The following DIS3L2 variants were observed in gnomAD, a reference collection of about 807,000 sequenced individuals.
The protein encoded by DIS3L2 is DIS3-like exonuclease 2.
DIS3L2 carries 34 observed loss-of-function variants against 97.5 expected under a neutral mutation model. The observed-to-expected ratio is 0.35, with a 90% confidence interval of 0.27 to 0.46. DIS3L2 has a LOEUF of 0.46. Among genes scored for constraint, DIS3L2 ranks in the 20% least tolerant of loss-of-function variants. The pLI is 1.00. For synonymous variants in DIS3L2, 435 were observed against 445.2 expected (o/e 0.98, Z 0.29); for missense variants, 1,038 against 1,146.0 (o/e 0.91, Z 1.36).
intron 3 of DIS3L2, 115 bp downstream of exon 3, chr2:232,015,786 G>T (rs1020339643): frequency 1.6e-6 from 2 of 1,227,970 alleles, no homozygotes; most frequent in African/African-American, 1.5e-5. Flanking sequence ...TGTAACAGGT[G>T]CAGGGCTGTT....
At position 232,203,929 on chromosome 2, in the gene DIS3L2, GAGA is replaced by G. The variant is rs1691963204; in HGVS notation, c.1125-6392_1125-6390del. Among the ~76,000 whole-genome samples, 3 of 152,222 alleles carry G rather than the reference GAGA, an allele frequency of 2.0e-5. No homozygotes were observed. In the South Asian group the frequency reaches 6.2e-4, roughly 32 times the overall value. ...AACATTTCAGAAAGCAGAGGGTGTA[GAGA>G]AGAATTTAGCACACGAGGGACATAG... On this transcript the variant is annotated intron_variant, in intron 9 of 20. Transcript: ENST00000325385.
intron 11 of DIS3L2, among the ~76,000 whole-genome samples, chr2:232,243,481 C>G (rs1693163113): frequency 6.6e-6 from 1 of 152,026 alleles, no homozygotes; most frequent in Non-Finnish European, 1.5e-5. Flanking sequence ...AAATTGTCAT[C>G]AGTACCTGGG....
intron 7 of DIS3L2, chr2:232,131,887 G>C (rs945616628): frequency 7.9e-6 from 1 of 126,994 alleles, no homozygotes; most frequent in African/African-American, 3.0e-5. Flanking sequence ...CTGGCTCACA[G>C]ACCTATTTTG....
intron 10 of DIS3L2, among the ~76,000 whole-genome samples, chr2:232,229,475 G>A (rs1692734909): frequency 6.6e-6 from 1 of 152,200 alleles, no homozygotes; most frequent in South Asian, 2.1e-4. Flanking sequence ...TCTGTCCCAG[G>A]CTTGACCGGC....
Position 232,216,220 on chromosome 2 carries a change from G to A in DIS3L2, c.1204+5815G>A, listed in dbSNP as rs185009026. On this transcript the variant is annotated intron_variant, in intron 10 of 20. Transcript: ENST00000325385. Reference sequence around the variant, plus strand: ...TGGCTTCAGAATGCTGGCTGCAACAGGTTGCCCCAGCCTCAGTTCACTAAG... The same window carrying A: ...TGGCTTCAGAATGCTGGCTGCAACAAGTTGCCCCAGCCTCAGTTCACTAAG... Among the ~76,000 whole-genome samples the A allele has an allele frequency of 2.2e-4, 34 of 152,336 alleles. 1 individual carries two copies. Among genetic ancestry groups the A allele is most frequent in the Non-Finnish European group, 3.7e-4 (25 of 68,036 alleles).
At chr2:232,200,687 T>G (rs1211876758) in intron 9 of DIS3L2, among the ~76,000 whole-genome samples, 1 of 151,914 alleles carries the variant, frequency 6.6e-6, no homozygotes, top group Non-Finnish European at 1.5e-5. Flanking sequence ...GTAGGAGATA[T>G]TATAGGATTA....
At chr2:232,240,742 T>A (rs1027511568) in intron 11 of DIS3L2, among the ~76,000 whole-genome samples, 1 of 152,200 alleles carries the variant, frequency 6.6e-6, no homozygotes, top group African/African-American at 2.4e-5. Flanking sequence ...GAGAATGCAG[T>A]GCAAACTTCT....
intron 5 of DIS3L2, among the ~76,000 whole-genome samples, chr2:232,070,953 C>A (rs1055859270): frequency 6.6e-6 from 1 of 152,122 alleles, no homozygotes; most frequent in Non-Finnish European, 1.5e-5. Flanking sequence ...CAGAACACTT[C>A]TAATTCTGAT....
intron 12 of DIS3L2, among the ~76,000 whole-genome samples, chr2:232,254,605 A>G (rs1223092872): frequency 6.6e-6 from 1 of 152,250 alleles, no homozygotes; most frequent in Non-Finnish European, 1.5e-5. Context: ...AACAGAAAAG[A>G]ACTTTGAGTC....
intron 5 of DIS3L2, among the ~76,000 whole-genome samples, chr2:232,079,456 C>T (rs1042976800): frequency 1.3e-5 from 2 of 151,592 alleles, no homozygotes; most frequent in African/African-American, 2.4e-5. Flanking sequence ...ATTAGCTGGG[C>T]GTGGTGGCTG....
chr2:232,043,736 T>G (rs1447952094), intron 5 of DIS3L2, among the ~76,000 whole-genome samples: 1 of 152,226 alleles, frequency 6.6e-6, no homozygotes, highest in African/African-American at 2.4e-5. Flanking sequence ...TAGTACAGTT[T>G]TTGTAAGTGA....
chr2:232,126,765 C>T (rs1698073213), intron 6 of DIS3L2, among the ~76,000 whole-genome samples: 1 of 152,188 alleles, frequency 6.6e-6, no homozygotes, highest in Non-Finnish European at 1.5e-5. Context: ...GTCCCTCCCA[C>T]AGGGCCATTC....
At chr2:231,989,020 A>G (rs1006259721) in intron 1 of DIS3L2, among the ~76,000 whole-genome samples, 1 of 152,200 alleles carries the variant, frequency 6.6e-6, no homozygotes, top group Non-Finnish European at 1.5e-5. Flanking sequence ...GGCCACGTGG[A>G]TGAGCTTTGC....
At chr2:232,083,297 C>CAT (rs1696465419) in intron 5 of DIS3L2, among the ~76,000 whole-genome samples, 1 of 133,684 alleles carries the variant, frequency 7.5e-6, no homozygotes, top group Non-Finnish European at 1.6e-5. Context: ...CCCCCCCCCA[C>CAT]ATATACATAC....
At chr2:232,093,745 C>G (rs568337707) in intron 6 of DIS3L2, among the ~76,000 whole-genome samples, 2 of 152,098 alleles carry the variant, frequency 1.3e-5, no homozygotes, top group African/African-American at 2.4e-5. Context: ...CCTTTTTCAT[C>G]TCTGATTTTA....
intron 13 of DIS3L2, among the ~76,000 whole-genome samples, chr2:232,296,047 TCAG>T (rs1246882653): frequency 6.6e-6 from 1 of 152,256 alleles, no homozygotes; most frequent in Non-Finnish European, 1.5e-5. Flanking sequence ...AACTGTATGT[TCAG>T]CAGCCTACTG....
At chr2:232,279,934 C>T (rs987822199) in intron 13 of DIS3L2, among the ~76,000 whole-genome samples, 19 of 152,190 alleles carry the variant, frequency 1.2e-4, no homozygotes. Flanking sequence ...TCTTCTCTCT[C>T]CATTCTCTCT....
chr2:232,024,522 C>T (rs1289457996), intron 4 of DIS3L2, among the ~76,000 whole-genome samples, 192 bp downstream of exon 4: 4 of 152,112 alleles, frequency 2.6e-5, no homozygotes, highest in Non-Finnish European at 4.4e-5. Context: ...GTCTTAAAAT[C>T]GCATGCCAAA....
intron 1 of DIS3L2, among the ~76,000 whole-genome samples, chr2:231,971,696 T>A (rs1186290432): frequency 6.6e-6 from 1 of 151,934 alleles, no homozygotes; most frequent in East Asian, 2.0e-4. Context: ...TCCGCCTGCC[T>A]TGGCCTCCCA....
Sources: allele counts gnomAD v4.1 joint callset (sites outside exome capture counted in the v4.1 genomes callset), GRCh38; gene constraint gnomAD v4.1.1; transcripts MANE v1.5; gene names NCBI Gene and HGNC (gene_info 2026-07-23, HGNC 2026-07-21).